Variants in TANGO6 observed in about 807,000 individuals in gnomAD.
The protein encoded by TANGO6 is transport and Golgi organization protein 6 homolog.
Under a neutral mutation model 114.2 loss-of-function variants are expected in TANGO6, and 90 were observed. That is an observed-to-expected ratio of 0.79 (90% CI 0.66 to 0.94). The LOEUF is 0.94. TANGO6 is among the 40% of genes least tolerant of loss of function. The pLI is 0.00. For missense variants in TANGO6, 1,274 were observed against 1,315.3 expected (o/e 0.97, Z 0.49); for synonymous variants, 477 against 509.8 (o/e 0.94, Z 0.87).
At chr16:68,967,833 A>G (rs966910159) in intron 14 of TANGO6, among the ~76,000 whole-genome samples, 2 of 152,108 alleles carry the variant, frequency 1.3e-5, no homozygotes, top group Non-Finnish European at 2.9e-5. Flanking sequence ...TAGCAAAGAC[A>G]TTTTAGAATT....
chr16:68,973,597 T>G (rs1963731722), intron 14 of TANGO6, among the ~76,000 whole-genome samples: 1 of 152,174 alleles, frequency 6.6e-6, no homozygotes, highest in South Asian at 2.1e-4. Flanking sequence ...GGTCAGGGTC[T>G]TCCCTATTTC....
intron 16 of TANGO6, among the ~76,000 whole-genome samples, chr16:69,030,365 A>G (rs574783137): frequency 1.3e-5 from 2 of 152,138 alleles, no homozygotes; most frequent in East Asian, 2.0e-4. Context: ...ATTGGCAAAG[A>G]TGTCCTGGAG....
chr16:68,942,752 G>GGA (rs1443595511), intron 14 of TANGO6, among the ~76,000 whole-genome samples: 1 of 152,114 alleles, frequency 6.6e-6, no homozygotes, highest in Non-Finnish European at 1.5e-5. Flanking sequence ...CAAAGTTGAA[G>GGA]GAGAGAGTTA....
chr16:68,946,254 C>T lies in TANGO6; in HGVS notation c.2701+15959C>T, dbSNP rs369648921. Among the ~76,000 whole-genome samples the T allele has an allele frequency of 8.4e-3, 1,273 of 151,226 alleles. 23 individuals carry two copies. Among genetic ancestry groups the T allele is most frequent in the African/African-American group, 0.028 (1,172 of 41,198 alleles). ...TCGCCCAGGCTGGAGTGCAGTGGCA[C>T]GATCTCGGCTCACTGCAAGCTCCGC... On this transcript the variant is annotated intron_variant, in intron 14 of 17. Transcript: ENST00000261778.
intron 7 of TANGO6, among the ~76,000 whole-genome samples, chr16:68,883,333 C>G (rs895028004): frequency 2.6e-5 from 4 of 152,258 alleles, no homozygotes; most frequent in Non-Finnish European, 5.9e-5. Flanking sequence ...AAAACCCTGT[C>G]TCTACTAAGA....
intron 12 of TANGO6, 56 bp from the exon 13 acceptor site, chr16:68,927,512 C>G (rs1963182351): frequency 1.9e-6 from 3 of 1,567,444 alleles, no homozygotes; most frequent in Non-Finnish European, 2.6e-6. Flanking sequence ...GTGCTCAGGT[C>G]ATATTGAAAT....
chr16:69,066,726 T>G (rs2152241784), intron 17 of TANGO6, among the ~76,000 whole-genome samples: 1 of 152,282 alleles, frequency 6.6e-6, no homozygotes, highest in Non-Finnish European at 1.5e-5. Flanking sequence ...TTATCTTTTT[T>G]GATCCCCACA....
At chr16:68,914,576 A>G (rs1433360280) in intron 11 of TANGO6, among the ~76,000 whole-genome samples, 3 of 152,218 alleles carry the variant, frequency 2.0e-5, no homozygotes, top group East Asian at 1.9e-4. Flanking sequence ...ATTTTTCACT[A>G]TAAGCTTTCA....
intron 17 of TANGO6, among the ~76,000 whole-genome samples, chr16:69,073,456 G>A (rs1567570923): frequency 6.6e-6 from 1 of 152,216 alleles, no homozygotes; most frequent in Non-Finnish European, 1.5e-5. Flanking sequence ...GGCTGTAGCT[G>A]CCACCTGGGA....
At chr16:69,043,013 C>T (rs1959796719) in intron 17 of TANGO6, among the ~76,000 whole-genome samples, 2 of 152,036 alleles carry the variant, frequency 1.3e-5, no homozygotes, top group African/African-American at 4.8e-5. Flanking sequence ...TCACTTGAGC[C>T]CAAGAGTTCG....
intron 17 of TANGO6, among the ~76,000 whole-genome samples, chr16:69,071,187 A>G (rs1173907549): frequency 6.6e-6 from 1 of 152,154 alleles, no homozygotes. Context: ...TCCCTTAACC[A>G]TAAACACCTA....
chr16:69,006,654 G>A (rs1964094299), intron 15 of TANGO6, among the ~76,000 whole-genome samples: 1 of 152,114 alleles, frequency 6.6e-6, no homozygotes, highest in Non-Finnish European at 1.5e-5. Context: ...TGGAGGCTGA[G>A]GCAGGAGAAT....
chr16:68,878,032 C>T (rs1279979262), intron 5 of TANGO6, 86 bp from the exon 6 acceptor site: 4 of 1,175,024 alleles, frequency 3.4e-6, no homozygotes, highest in African/African-American at 1.6e-5. Flanking sequence ...TATTTTTTGT[C>T]TTAAAGAAAT....
chr16:69,070,234 A>C (rs750285985), intron 17 of TANGO6, among the ~76,000 whole-genome samples: 1 of 151,978 alleles, frequency 6.6e-6, no homozygotes, highest in Non-Finnish European at 1.5e-5. Context: ...AAAAGAAAAG[A>C]AAGTAGTGAA....
intron 15 of TANGO6, among the ~76,000 whole-genome samples, chr16:69,015,075 G>A (rs963767338): frequency 1.3e-5 from 2 of 152,102 alleles, no homozygotes; most frequent in Non-Finnish European, 2.9e-5. Context: ...ATACAGTCCT[G>A]AGACCTCTAT....
At chr16:68,953,429 G>A (rs1463239985) in intron 14 of TANGO6, among the ~76,000 whole-genome samples, 1 of 152,138 alleles carries the variant, frequency 6.6e-6, no homozygotes. Flanking sequence ...TGCTGTGCAA[G>A]GTACAACACT....
At chr16:68,976,633 A>G (rs1963767844) in intron 15 of TANGO6, among the ~76,000 whole-genome samples, 2 of 152,208 alleles carry the variant, frequency 1.3e-5, no homozygotes, top group Non-Finnish European at 2.9e-5. Context: ...TAGCTGTCAC[A>G]CTGAATATCA....
intron 7 of TANGO6, among the ~76,000 whole-genome samples, chr16:68,892,511 CTTTT>C (rs57046490): frequency 7.2e-6 from 1 of 138,268 alleles, no homozygotes; most frequent in Non-Finnish European, 1.6e-5. Context: ...TTCAGTCTTT[CTTTT>C]TTTTTTTTTT....
chr16:68,960,274 G>A (rs1250696047), intron 14 of TANGO6, among the ~76,000 whole-genome samples: 1 of 148,048 alleles, frequency 6.8e-6, no homozygotes, highest in Non-Finnish European at 1.5e-5. Flanking sequence ...CCTTCTTTAT[G>A]CCTTCAGTCA....
Sources: allele counts gnomAD v4.1 joint callset (sites outside exome capture counted in the v4.1 genomes callset), GRCh38; gene constraint gnomAD v4.1.1; transcripts MANE v1.5; gene names NCBI Gene and HGNC (gene_info 2026-07-23, HGNC 2026-07-21).